MYRIP: variants seen among roughly 807,000 people sequenced by gnomAD.
The protein encoded by MYRIP is rab effector MyRIP.
In MYRIP, 49 loss-of-function variants were observed where a neutral mutation model predicts 98.0. That is an observed-to-expected ratio of 0.50 (90% CI 0.40 to 0.63). The LOEUF is 0.63. Ranked by LOEUF, MYRIP falls within the 30% of genes least tolerant of loss-of-function variation. The pLI is 0.00. For missense variants in MYRIP, 1,004 were observed against 1,058.2 expected (o/e 0.95, Z 0.71); for synonymous variants, 404 against 409.5 (o/e 0.99, Z 0.16).
intron 2 of MYRIP, among the ~76,000 whole-genome samples, chr3:39,907,031 T>C (rs1041516271): frequency 6.6e-6 from 1 of 152,104 alleles, no homozygotes; most frequent in African/African-American, 2.4e-5. Flanking sequence ...AGAGGAGGCC[T>C]GGCATCAATT....
At chr3:40,125,679 C>T (rs1949513119) in intron 3 of MYRIP, among the ~76,000 whole-genome samples, 1 of 152,106 alleles carries the variant, frequency 6.6e-6, no homozygotes, top group Non-Finnish European at 1.5e-5. Flanking sequence ...TCTCTGTCTC[C>T]CTCTAATTGC....
chr3:40,068,945 C>T (rs1453322433), intron 3 of MYRIP, among the ~76,000 whole-genome samples: 1 of 152,210 alleles, frequency 6.6e-6, no homozygotes, highest in Admixed American at 6.5e-5. Context: ...TGCTCTGCGT[C>T]ACCAGCTACA....
chr3:40,247,739 G>C, intron 13 of MYRIP, among the ~76,000 whole-genome samples: 1 of 152,180 alleles, frequency 6.6e-6, no homozygotes, highest in East Asian at 1.9e-4. Flanking sequence ...GGTCAGGCTG[G>C]TCTCAAACTC....
intron 3 of MYRIP, 101 bp downstream of exon 3, chr3:40,044,372 A>T (rs1352335366): frequency 2.5e-6 from 3 of 1,176,960 alleles, no homozygotes; most frequent in Non-Finnish European, 2.5e-6. Context: ...TGGTAGATCA[A>T]CACAGAGTAT....
At chr3:39,863,437 T>C (rs1158790612) in intron 1 of MYRIP, among the ~76,000 whole-genome samples, 3 of 146,902 alleles carry the variant, frequency 2.0e-5, no homozygotes, top group African/African-American at 7.5e-5. Context: ...AGGATCCAAA[T>C]AAACACAATA....
intron 3 of MYRIP, among the ~76,000 whole-genome samples, chr3:40,088,447 T>G (rs1948673438): frequency 6.6e-6 from 1 of 152,202 alleles, no homozygotes; most frequent in Admixed American, 6.5e-5. Flanking sequence ...ATATCCTGAA[T>G]GTTAATCAGC....
At chr3:40,110,460 GA>G (rs1364952078) in intron 3 of MYRIP, among the ~76,000 whole-genome samples, 1 of 152,224 alleles carries the variant, frequency 6.6e-6, no homozygotes, top group Non-Finnish European at 1.5e-5. Flanking sequence ...ATCAAGAGTA[GA>G]AGTAATGTTG....
chr3:40,021,496 T>G (rs765052923), intron 2 of MYRIP, among the ~76,000 whole-genome samples: 90 of 152,246 alleles, frequency 5.9e-4, no homozygotes, highest in Non-Finnish European at 1.0e-3. Context: ...CCTCTGAGCC[T>G]GTGTTCATCT....
At chr3:40,109,069 T>G (rs561893930) in intron 3 of MYRIP, among the ~76,000 whole-genome samples, 1 of 152,322 alleles carries the variant, frequency 6.6e-6, no homozygotes, top group Non-Finnish European at 1.5e-5. Context: ...ATCTGTTCCT[T>G]TCCTTTGAAA....
At chr3:39,846,533 C>T (rs1183238713) in intron 1 of MYRIP, among the ~76,000 whole-genome samples, 1 of 152,096 alleles carries the variant, frequency 6.6e-6, no homozygotes, top group South Asian at 2.1e-4. Context: ...ACCACTGGGC[C>T]TGCAGGTGTT....
intron 1 of MYRIP, among the ~76,000 whole-genome samples, chr3:39,829,894 C>T (rs1941390046): frequency 6.6e-6 from 1 of 152,146 alleles, no homozygotes; most frequent in South Asian, 2.1e-4. Context: ...CTCTTTCTAA[C>T]ATCCTGGCCT....
At chr3:39,935,871 C>T (rs1467285809) in intron 2 of MYRIP, among the ~76,000 whole-genome samples, 1 of 152,142 alleles carries the variant, frequency 6.6e-6, no homozygotes, top group Non-Finnish European at 1.5e-5. Context: ...GCCTCCTTTG[C>T]TGCTAACATG....
chr3:40,099,381 G>A (rs1436954334), intron 3 of MYRIP, among the ~76,000 whole-genome samples: 1 of 152,202 alleles, frequency 6.6e-6, no homozygotes, highest in South Asian at 2.1e-4. Context: ...TGAGCATGAT[G>A]TCTTTAGGTC....
At chr3:39,953,927 G>A (rs1420152839) in intron 2 of MYRIP, among the ~76,000 whole-genome samples, 1 of 152,164 alleles carries the variant, frequency 6.6e-6, no homozygotes, top group Non-Finnish European at 1.5e-5. Context: ...ACAGCCGTCT[G>A]AGATTGAACT....
intron 1 of MYRIP, among the ~76,000 whole-genome samples, chr3:39,865,411 T>A (rs577142317): frequency 8.6e-5 from 13 of 151,678 alleles, no homozygotes; most frequent in African/African-American, 2.2e-4. Flanking sequence ...GGAAAAAAAA[T>A]TTTCAAACTA....
intron 1 of MYRIP, among the ~76,000 whole-genome samples, chr3:39,817,427 C>T (rs67973607): frequency 0.08 from 12,173 of 152,084 alleles, 537 homozygotes; most frequent in African/African-American, 0.12. Context: ...GGAATTTATT[C>T]CCCAAATATG....
chr3:40,081,551 C>T (rs1409566223), intron 3 of MYRIP, among the ~76,000 whole-genome samples: 2 of 152,098 alleles, frequency 1.3e-5, no homozygotes, highest in African/African-American at 4.8e-5. Flanking sequence ...GCTATATAGC[C>T]TATCCTATGT....
At chr3:40,187,536 CT>C (rs1951071900) in intron 9 of MYRIP, among the ~76,000 whole-genome samples, 1 of 152,198 alleles carries the variant, frequency 6.6e-6, no homozygotes, top group Non-Finnish European at 1.5e-5. Flanking sequence ...TAGCTATGCC[CT>C]TTTTCACCAG....
intron 3 of MYRIP, among the ~76,000 whole-genome samples, chr3:40,092,703 A>G (rs949193475): frequency 2.6e-5 from 4 of 152,162 alleles, no homozygotes; most frequent in Admixed American, 1.3e-4. Context: ...ATAGTAGGAG[A>G]TGAGATGAGA....
Sources: allele counts gnomAD v4.1 joint callset (sites outside exome capture counted in the v4.1 genomes callset), GRCh38; gene constraint gnomAD v4.1.1; transcripts MANE v1.5; gene names NCBI Gene and HGNC (gene_info 2026-07-23, HGNC 2026-07-21).